Variants in SUMO3 observed in about 807,000 individuals in gnomAD.
SUMO3 encodes the protein small ubiquitin like modifier 3.
A neutral mutation model predicts 11.1 loss-of-function variants in SUMO3; 2 were observed. That is an observed-to-expected ratio of 0.18 (90% CI 0.07 to 0.57). SUMO3 has a LOEUF of 0.57. Ranked by LOEUF, SUMO3 falls within the 20% of genes least tolerant of loss-of-function variation. SUMO3 has a pLI of 0.92. For synonymous variants in SUMO3, 56 were observed against 53.5 expected (o/e 1.05, Z -0.20); for missense variants, 70 against 132.8 (o/e 0.53, Z 2.32).
chr21:44,809,364 G>A (rs939466217), intron 2 of SUMO3, among the ~76,000 whole-genome samples: 2 of 152,210 alleles, frequency 1.3e-5, no homozygotes, highest in African/African-American at 2.4e-5. Context: ...CGCGGTGCCT[G>A]ACACCACTGC....
chr21:44,814,243 A>G, intron 1 of SUMO3, 139 bp from the exon 2 acceptor site: 1 of 1,151,884 alleles, frequency 8.7e-7, no homozygotes, highest in Non-Finnish European at 1.2e-6. Context: ...AGCAATTCAG[A>G]GTCACTCGTG....
chr21:44,813,505 G>C, intron 2 of SUMO3: 2 of 307,442 alleles, frequency 6.5e-6, no homozygotes. Context: ...GCGCTTTCTT[G>C]CCTTTCCTAA....
chr21:44,815,374 C>T lies in SUMO3; in HGVS notation c.22-1270G>A, dbSNP rs535808828. Among the ~76,000 whole-genome samples the T allele has an allele frequency of 2.1e-4, 32 of 152,234 alleles. 1 individual carries two copies. The South Asian group carries it at 3.9e-3, about 19-fold the overall frequency. On this transcript the variant is annotated intron_variant, in intron 1 of 3. Coordinates refer to ENST00000332859, the MANE Select transcript of SUMO3 (RefSeq NM_006936.3). The stretch of plus-strand genomic sequence containing the variant: ...CCTTGGCAGTGAGGGGCTCCAGCTG[C>T]GAGCCTGAAGGTGCGTGTCCTGGGG...
At chr21:44,812,946 G>T (rs2083221087) in intron 2 of SUMO3, among the ~76,000 whole-genome samples, 2 of 152,244 alleles carry the variant, frequency 1.3e-5, no homozygotes, top group Admixed American at 1.3e-4. Context: ...CACTCACTCT[G>T]CTGGGAAGAC....
Position 44,809,070 on chromosome 21 carries a change from T to C in SUMO3, c.199A>G (p.Asn67Asp), listed in dbSNP as rs751308919. 2 of 1,614,112 alleles carry C rather than the reference T, an allele frequency of 1.2e-6. No individual in the cohort carries two copies. The highest frequency in any genetic ancestry group is 1.7e-6 in the Non-Finnish European group (2 of 1,180,028). The change falls in exon 3 of 4, where the codon AAT becomes GAT. Residue 67 changes from asparagine (N) to aspartate (D), a missense_variant. Coordinates refer to ENST00000332859, the MANE Select transcript of SUMO3 (RefSeq NM_006936.3). ...IRFRFDGQPI[N>D]ETDTPAQLEM... ...ACCTGTGCTGGAGTGTCAGTTTCAT[T>C]GATTGGCTGCCCGTCGAACCTGAAT...
intron 2 of SUMO3, 113 bp from the exon 3 acceptor site, chr21:44,809,231 C>T (rs2083196144): frequency 9.9e-7 from 1 of 1,010,844 alleles, no homozygotes; most frequent in Admixed American, 2.1e-5. Context: ...GGCCATTAAA[C>T]ATTTCCAGAT....
chr21:44,816,179 G>A (rs915547271), intron 1 of SUMO3, among the ~76,000 whole-genome samples: 2 of 152,182 alleles, frequency 1.3e-5, no homozygotes, highest in African/African-American at 4.8e-5. Context: ...AAATACTGCT[G>A]AGAAAATTAA....
intron 2 of SUMO3, among the ~76,000 whole-genome samples, chr21:44,809,860 T>C (rs754278810): frequency 7.9e-5 from 12 of 152,218 alleles, no homozygotes; most frequent in Non-Finnish European, 1.8e-4. Flanking sequence ...ATCTTCTCTG[T>C]CCTGGTGCCC....
chr21:44,814,935 T>C (rs1477261959), intron 1 of SUMO3, among the ~76,000 whole-genome samples: 2 of 152,238 alleles, frequency 1.3e-5, no homozygotes, highest in Non-Finnish European at 2.9e-5. Flanking sequence ...GTCAAGAGAC[T>C]GGGAGCCAAC....
rs765828616 is a variant in SUMO3, at chr21:44,811,632, C to A, written c.150+2344G>T. Among the ~76,000 whole-genome samples the A allele has an allele frequency of 3.3e-5, 5 of 151,970 alleles. No individual in the cohort carries two copies. The highest frequency in any genetic ancestry group is 6.6e-5 in the Admixed American group (1 of 15,244). ...CTCAAAGAACAGAAAGAAAAAAGAA[C>A]TTTTGGAAATTAAAAATCATGACAG... On this transcript the variant is annotated intron_variant, in intron 2 of 3. Coordinates refer to ENST00000332859, the MANE Select transcript of SUMO3 (RefSeq NM_006936.3). The surrounding 1 kb of genome is among the most constrained non-coding windows in gnomAD (Gnocchi z 5.0).
chr21:44,817,657 C>G (rs936626664), intron 1 of SUMO3, among the ~76,000 whole-genome samples: 1 of 150,626 alleles, frequency 6.6e-6, no homozygotes, highest in Non-Finnish European at 1.5e-5. Flanking sequence ...GGCCCGACAC[C>G]GGGCGCTCAA....
At position 44,811,063 on chromosome 21, in the gene SUMO3, TAC is replaced by T. The variant is rs566166261; in HGVS notation, c.151-1947_151-1946del. Among the ~76,000 whole-genome samples the T allele has an allele frequency of 6.0e-5, 5 of 83,438 alleles. No individual in the cohort carries two copies. The highest frequency in any genetic ancestry group is 3.3e-4 in the East Asian group (1 of 2,986). 54.7% of individuals were successfully genotyped at this position (83,438 alleles called of 152,430 possible). ...ATACACACACGCACACACCCACACA[TAC>T]ACACACACGAATGCACACATGCACA... On this transcript the variant is annotated intron_variant, in intron 2 of 3. Coordinates refer to ENST00000332859, the MANE Select transcript of SUMO3 (RefSeq NM_006936.3). The surrounding 1 kb of genome is among the most constrained non-coding windows in gnomAD (Gnocchi z 5.0).
rs2838694 is a variant in SUMO3, at chr21:44,810,229, G to T, written c.151-1111C>A. On this transcript the variant is annotated intron_variant, in intron 2 of 3. Transcript: ENST00000332859. This position sits in a 1 kb window ranked among gnomAD's most constrained non-coding sequence, Gnocchi z 4.1. ...GAAACCCCACTGAAATGAAGTAAAT[G>T]AAAAAGGCACAAACAGGAAGGACAA... Among the ~76,000 whole-genome samples, 1 of 152,152 alleles carries T rather than the reference G, an allele frequency of 6.6e-6. No individual in the cohort carries two copies. Among genetic ancestry groups the T allele is most frequent in the Admixed American group, 6.5e-5 (1 of 15,268 alleles).
intron 1 of SUMO3, among the ~76,000 whole-genome samples, chr21:44,816,513 G>A (rs973157908): frequency 6.6e-6 from 1 of 152,158 alleles, no homozygotes; most frequent in Non-Finnish European, 1.5e-5. Context: ...ATCTGTAAAG[G>A]GAGGGTGGTC....
intron 3 of SUMO3, 110 bp downstream of exon 3, chr21:44,808,937 G>T: frequency 1.2e-6 from 1 of 840,290 alleles, no homozygotes; most frequent in Non-Finnish European, 2.0e-6. Flanking sequence ...TATCATTAAG[G>T]CATTCTGTAT....
rs960295023 is a variant in SUMO3 at position 44,818,009 on chromosome 21, G to A, written c.-41C>T. Reference sequence around the variant, plus strand: ...GCGGGGAGGCGGCGCGGGGGAAGCAGCGCGGAGCGGGCGAGTCACGCTCTC... The same window carrying A: ...GCGGGGAGGCGGCGCGGGGGAAGCAACGCGGAGCGGGCGAGTCACGCTCTC... On this transcript the variant is annotated 5_prime_UTR_variant, in exon 1 of 4. Transcript: ENST00000332859. The A allele has an allele frequency of 1.7e-6, 2 of 1,172,102 alleles. No individual in the cohort carries two copies. Among genetic ancestry groups the A allele is most frequent in the Non-Finnish European group, 2.1e-6 (2 of 950,308 alleles). 72.6% of individuals were successfully genotyped at this position (1,172,102 alleles called of 1,614,324 possible). A position where few individuals can be genotyped will look rare whatever the true frequency, so the allele number is the denominator to read the frequency against.
At chr21:44,808,514 C>CAA in intron 3 of SUMO3, 31 of 1,310,550 alleles carry the variant, frequency 2.4e-5, no homozygotes, top group South Asian at 1.0e-4. Context: ...GACTCCGTCT[C>CAA]AAAAAAAAAA....
chr21:44,815,254 C>A (rs1263090912), intron 1 of SUMO3, among the ~76,000 whole-genome samples: 1 of 152,234 alleles, frequency 6.6e-6, no homozygotes, highest in Non-Finnish European at 1.5e-5. Flanking sequence ...AACCCAGGGA[C>A]TGCACCCATG....
At chr21:44,815,452 G>A (rs999681120) in intron 1 of SUMO3, among the ~76,000 whole-genome samples, 4 of 152,300 alleles carry the variant, frequency 2.6e-5, no homozygotes, top group Non-Finnish European at 2.9e-5. Flanking sequence ...GCCCACTCCC[G>A]GGATGCCAGT....
Sources: allele counts gnomAD v4.1 joint callset (sites outside exome capture counted in the v4.1 genomes callset), GRCh38; gene constraint gnomAD v4.1.1; non-coding constraint Gnocchi (gnomAD v3.1); transcripts MANE v1.5; gene names NCBI Gene and HGNC (gene_info 2026-07-23, HGNC 2026-07-21).